The following ADGRL4 variants were observed in gnomAD, a reference collection of about 807,000 sequenced individuals.
ADGRL4 encodes adhesion G protein-coupled receptor L4.
ADGRL4 carries 90 observed loss-of-function variants against 74.8 expected under a neutral mutation model. That is an observed-to-expected ratio of 1.20 (90% CI 1.02 to 1.43). The LOEUF is 1.43. Ranked by LOEUF, ADGRL4 falls within the 40% of genes most tolerant of loss-of-function variation. ADGRL4 has a pLI of 0.00. For missense variants in ADGRL4, 881 were observed against 814.3 expected (o/e 1.08, Z -1.00); for synonymous variants, 311 against 279.2 (o/e 1.11, Z -1.14).
At chr1:78,924,553 G>C (rs74614720) in intron 8 of ADGRL4, among the ~76,000 whole-genome samples, 2,338 of 152,096 alleles carry the variant, frequency 0.015, 59 homozygotes, top group African/African-American at 0.053. Flanking sequence ...CAGCATCAAG[G>C]CTACAGAGCC....
chr1:78,968,323 A>G (rs1650097135), intron 2 of ADGRL4, among the ~76,000 whole-genome samples: 1 of 152,060 alleles, frequency 6.6e-6, no homozygotes, highest in South Asian at 2.1e-4. Flanking sequence ...GGGTTTGCAT[A>G]AGCTGCAGTA....
chr1:78,891,710 T>C lies in ADGRL4; in HGVS notation c.1842-18A>G. 2 of 1,595,252 alleles carry C rather than the reference T, an allele frequency of 1.3e-6. No individual in the cohort carries two copies. Among genetic ancestry groups the C allele is most frequent in the African/African-American group, 1.4e-5 (1 of 73,910 alleles). On this transcript the variant is annotated intron_variant, in intron 13 of 14. Transcript: ENST00000370742. ...CACAAGACCTATCACATATGAGAAA[T>C]GCGTCAGTGAAGAAAGCTACGTATA... is the stretch of plus-strand genomic sequence containing the variant.
intron 12 of ADGRL4, among the ~76,000 whole-genome samples, chr1:78,907,041 T>G (rs904362055): frequency 6.6e-6 from 1 of 151,984 alleles, no homozygotes. Context: ...GAACCCATTG[T>G]TTGTACTCTT....
At position 78,891,698 on chromosome 1, in the gene ADGRL4, A is replaced by T; in HGVS notation, c.1842-6T>A. On this transcript the variant is annotated splice_polypyrimidine_tract_variant and splice_region_variant and intron_variant, in intron 13 of 14. Coordinates refer to ENST00000370742, the MANE Select transcript of ADGRL4 (RefSeq NM_022159.4). ...GGGCTCCTCTTGCACAAGACCTATC[A>T]CATATGAGAAATGCGTCAGTGAAGA... 3 of 1,600,310 alleles carry T rather than the reference A, an allele frequency of 1.9e-6. No individual in the cohort carries two copies.
At chr1:78,916,129 CTCTG>C (rs910917677) in intron 12 of ADGRL4, among the ~76,000 whole-genome samples, 2 of 151,802 alleles carry the variant, frequency 1.3e-5, no homozygotes, top group Non-Finnish European at 2.9e-5. Flanking sequence ...CATCTAAATT[CTCTG>C]TATCTTACCA....
intron 3 of ADGRL4, among the ~76,000 whole-genome samples, chr1:78,945,920 C>A (rs1649590799): frequency 6.6e-6 from 1 of 152,050 alleles, no homozygotes; most frequent in South Asian, 2.1e-4. Context: ...TCTTTTAATG[C>A]AAATGACAAT....
intron 8 of ADGRL4, 121 bp downstream of exon 8, chr1:78,926,765 T>C: frequency 1.4e-6 from 1 of 728,864 alleles, no homozygotes; most frequent in Non-Finnish European, 2.2e-6. Flanking sequence ...ACTTCACTCT[T>C]TTAATTTCAA....
chr1:78,929,493 G>C (rs1185358074), intron 7 of ADGRL4, among the ~76,000 whole-genome samples: 1 of 151,360 alleles, frequency 6.6e-6, no homozygotes, highest in Non-Finnish European at 1.5e-5. Context: ...TTTAGCCTGG[G>C]CAACAGGGTG....
At chr1:78,961,047 A>G (rs902418813) in intron 2 of ADGRL4, among the ~76,000 whole-genome samples, 3 of 152,022 alleles carry the variant, frequency 2.0e-5, no homozygotes, top group Admixed American at 6.6e-5. Flanking sequence ...TCTTTCCATC[A>G]GCTATTGTGT....
chr1:78,913,252 A>G (rs1029014857), intron 12 of ADGRL4, among the ~76,000 whole-genome samples: 2 of 151,996 alleles, frequency 1.3e-5, no homozygotes, highest in African/African-American at 2.4e-5. Context: ...ACCTAAAAAC[A>G]GAACTACCAT....
intron 12 of ADGRL4, among the ~76,000 whole-genome samples, chr1:78,899,605 T>C (rs1407990970): frequency 6.6e-6 from 1 of 152,196 alleles, no homozygotes; most frequent in Non-Finnish European, 1.5e-5. Context: ...TCTGTCCACC[T>C]AGGTCTCCCA....
intron 12 of ADGRL4, among the ~76,000 whole-genome samples, chr1:78,914,545 A>T (rs1396385775): frequency 6.6e-6 from 1 of 151,840 alleles, no homozygotes; most frequent in East Asian, 1.9e-4. Context: ...TGATCATTTG[A>T]TGTTCATCTG....
At chr1:78,945,771 G>T (rs1570246499) in intron 3 of ADGRL4, among the ~76,000 whole-genome samples, 1 of 152,108 alleles carries the variant, frequency 6.6e-6, no homozygotes, top group South Asian at 2.1e-4. Context: ...CTAGTGTTCA[G>T]AAAAACTTAA....
chr1:78,932,613 C>CAA lies in ADGRL4; in HGVS notation c.877+3680_877+3681dup, dbSNP rs557004722. Among the ~76,000 whole-genome samples, 490 of 57,268 alleles carry CAA rather than the reference C, an allele frequency of 8.6e-3. 12 individuals are homozygous for CAA. The highest frequency in any genetic ancestry group is 0.026 in the African/African-American group (460 of 17,476). The allele number at this position is 57,268 out of a possible 152,430, so 37.6% of individuals were successfully genotyped here. A position where few individuals can be genotyped will look rare whatever the true frequency, so the allele number is the denominator to read the frequency against. ...GGAGATAGAGACACAAAAACCCCTC[C>CAA]AAAAAAAAAAAAAACAATGAATCCA... On this transcript the variant is annotated intron_variant, in intron 7 of 14. Coordinates refer to ENST00000370742, the MANE Select transcript of ADGRL4 (RefSeq NM_022159.4).
intron 2 of ADGRL4, among the ~76,000 whole-genome samples, chr1:79,004,189 G>C (rs1028774145): frequency 1.3e-5 from 2 of 151,972 alleles, no homozygotes; most frequent in African/African-American, 4.8e-5. Context: ...ATACATTTAG[G>C]TGCATAACAC....
At position 78,921,700 on chromosome 1, in the gene ADGRL4, C is replaced by T; in HGVS notation, c.1170G>A (p.Glu390=). The stretch of plus-strand genomic sequence containing the variant: ...TGTGGGTCTCATTTGAGTATGTCAG[C>T]TCACAGCCCTCTGAAGACCAGCTGC... The part of the protein sequence containing the change: ...MNGSWSSEGC[E]LTYSNETHTS... Residue 390 remains glutamate (E), a synonymous_variant, in exon 9 of 15, where the codon GAG becomes GAA. Transcript: ENST00000370742. 1 of 1,603,810 alleles carries T rather than the reference C, an allele frequency of 6.2e-7. No individual in the cohort carries two copies. The highest frequency in any genetic ancestry group is 1.1e-5 in the South Asian group (1 of 90,100).
intron 2 of ADGRL4, among the ~76,000 whole-genome samples, chr1:78,985,398 G>A (rs2100729516): frequency 6.6e-6 from 1 of 151,822 alleles, no homozygotes; most frequent in South Asian, 2.1e-4. Context: ...TTTGCAATAA[G>A]TATATATTAC....
intron 8 of ADGRL4, among the ~76,000 whole-genome samples, chr1:78,923,611 A>C (rs908220057): frequency 1.3e-5 from 2 of 152,034 alleles, no homozygotes; most frequent in African/African-American, 4.8e-5. Context: ...GTCAAGAGCA[A>C]GATGATGCAG....
intron 2 of ADGRL4, 76 bp from the exon 3 acceptor site, chr1:78,946,502 G>A: frequency 8.0e-7 from 1 of 1,252,556 alleles, no homozygotes; most frequent in Non-Finnish European, 1.1e-6. Context: ...CAGTATTTTG[G>A]AATATTGACT....
Sources: allele counts gnomAD v4.1 joint callset (sites outside exome capture counted in the v4.1 genomes callset), GRCh38; gene constraint gnomAD v4.1.1; transcripts MANE v1.5; gene names NCBI Gene and HGNC (gene_info 2026-07-23, HGNC 2026-07-21).